BRAF: variants seen among roughly 807,000 people sequenced by gnomAD.
The protein encoded by BRAF is serine/threonine-protein kinase B-raf.
A neutral mutation model predicts 104.6 loss-of-function variants in BRAF; 16 were observed. The ratio of observed to expected loss-of-function variants is 0.15; its 90% CI spans 0.10 to 0.23. The LOEUF is 0.23. Among genes scored for constraint, BRAF ranks in the 10% least tolerant of loss-of-function variants. The pLI, the probability that BRAF is intolerant of heterozygous loss-of-function variation, is 1.00. For synonymous variants in BRAF, 310 were observed against 341.6 expected, an observed-to-expected ratio of 0.91 and a Z score of 1.02; for missense variants, 541 against 937.3, an observed-to-expected ratio of 0.58 and a Z score of 5.52.
At chr7:140,790,394 T>C (rs1407225770) in intron 8 of BRAF, among the ~76,000 whole-genome samples, 1 of 152,174 alleles carries the variant, frequency 6.6e-6, no homozygotes, top group Admixed American at 6.5e-5. Flanking sequence ...TTTCAACTTT[T>C]TTCCCACTCT....
rs530798731 is a variant in BRAF at position 140,806,952 on chromosome 7, G to A, written c.711+1008C>T. Among the ~76,000 whole-genome samples, 361 of 152,180 alleles carry A rather than the reference G, an allele frequency of 2.4e-3. 2 individuals are homozygous for A. Among genetic ancestry groups the A allele is most frequent in the Non-Finnish European group, 4.5e-3 (309 of 67,990 alleles). On this transcript the variant is annotated intron_variant, in intron 5 of 19. Transcript: ENST00000644969. ...CATGGGAAAACACTTGACGCCTAAA[G>A]GGTAGCAGTAATTATCCACCTAGAA...
intron 19 of BRAF, among the ~76,000 whole-genome samples, chr7:140,728,512 T>C (rs774781969): frequency 3.1e-4 from 47 of 151,598 alleles, no homozygotes; most frequent in Non-Finnish European, 1.2e-4. Context: ...TTGCCTCATA[T>C]TTAAAGTTAA....
chr7:140,889,529 T>C (rs955830067), intron 1 of BRAF, among the ~76,000 whole-genome samples: 3 of 152,104 alleles, frequency 2.0e-5, no homozygotes, highest in Admixed American at 1.3e-4. Context: ...GAGAACAAAA[T>C]TTTTAAGTCT....
chr7:140,875,400 G>C (rs1812115128), intron 1 of BRAF, among the ~76,000 whole-genome samples: 1 of 152,200 alleles, frequency 6.6e-6, no homozygotes, highest in East Asian at 1.9e-4. Flanking sequence ...TTTTGAGATA[G>C]CATCTTGCTC....
At chr7:140,821,496 G>T (rs1309813218) in intron 3 of BRAF, among the ~76,000 whole-genome samples, 2 of 151,080 alleles carry the variant, frequency 1.3e-5, no homozygotes, top group African/African-American at 2.4e-5. Context: ...TAGAGATGAG[G>T]TTTCACCATG....
intron 17 of BRAF, among the ~76,000 whole-genome samples, chr7:140,747,969 A>G (rs1314022811): frequency 1.3e-5 from 2 of 152,216 alleles, no homozygotes; most frequent in African/African-American, 2.4e-5. Context: ...CTAAGACTCA[A>G]CATTCTAAAG....
At chr7:140,795,713 T>G (rs1802425846) in intron 7 of BRAF, among the ~76,000 whole-genome samples, 1 of 152,196 alleles carries the variant, frequency 6.6e-6, no homozygotes, top group South Asian at 2.1e-4. Flanking sequence ...AAGTTTTGAC[T>G]TCATGTGTTT....
chr7:140,750,572 A>G (rs956991264), intron 16 of BRAF, among the ~76,000 whole-genome samples: 2 of 152,226 alleles, frequency 1.3e-5, no homozygotes, highest in Non-Finnish European at 2.9e-5. Flanking sequence ...GGATGTCCTG[A>G]AGAGCGTGAG....
At chr7:140,787,165 G>C (rs1801450067) in intron 9 of BRAF, among the ~76,000 whole-genome samples, 1 of 151,794 alleles carries the variant, frequency 6.6e-6, no homozygotes, top group East Asian at 1.9e-4. Context: ...GCCGGGCGTG[G>C]TAGCAGGCGC....
Position 140,723,171 on chromosome 7 carries a change from A to G in BRAF, c.*3323T>C. The G allele has an allele frequency of 9.5e-7, 1 of 1,053,686 alleles. No individual in the cohort carries two copies. Among genetic ancestry groups the G allele is most frequent in the Non-Finnish European group, 1.1e-6 (1 of 872,186 alleles). The allele number at this position is 1,053,686 out of a possible 1,614,324, so 65.3% of individuals were successfully genotyped here. A position where few individuals can be genotyped will look rare whatever the true frequency, so the allele number is the denominator to read the frequency against. On this transcript the variant is annotated 3_prime_UTR_variant, in exon 20 of 20. Transcript: ENST00000644969. ...GCAAGCAGCTGGCGGGTGGATGTAC[A>G]GTGGGGACAGGTGAGATCTGAGGAG...
At chr7:140,895,521 A>T (rs900326904) in intron 1 of BRAF, among the ~76,000 whole-genome samples, 13 of 152,284 alleles carry the variant, frequency 8.5e-5, no homozygotes, top group African/African-American at 3.1e-4. Flanking sequence ...ACTAGAACTT[A>T]TTCCTCCTAT....
Position 140,889,550 on chromosome 7 carries a change from G to A in BRAF, c.138+35016C>T, listed in dbSNP as rs542143837. 1.1e-4 allele frequency among the ~76,000 whole-genome samples: 17 copies of A among 151,998 alleles called. 1 individual carries two copies. In the South Asian group the frequency reaches 2.7e-3, roughly 24 times the overall value. On this transcript the variant is annotated intron_variant, in intron 1 of 19. Transcript: ENST00000644969. Reference sequence around the variant, plus strand: ...AAAATTTTTAAGTCTGGAGACTACCGACTTAAAATAACAGAAGCTAACAGA... The same window carrying A: ...AAAATTTTTAAGTCTGGAGACTACCAACTTAAAATAACAGAAGCTAACAGA...
intron 14 of BRAF, among the ~76,000 whole-genome samples, chr7:140,757,579 C>T (rs921528685): frequency 2.0e-5 from 3 of 152,118 alleles, no homozygotes; most frequent in Non-Finnish European, 2.9e-5. Flanking sequence ...TGAGCCACCA[C>T]GCCCAGCCTT....
intron 1 of BRAF, among the ~76,000 whole-genome samples, chr7:140,917,357 G>A (rs1224290946): frequency 1.6e-4 from 25 of 152,148 alleles, no homozygotes; most frequent in East Asian, 1.9e-4. Flanking sequence ...CACCATGCCC[G>A]GCCCCACTGA....
chr7:140,869,191 CAAGT>C, intron 1 of BRAF, among the ~76,000 whole-genome samples: 1 of 152,132 alleles, frequency 6.6e-6, no homozygotes. Flanking sequence ...AATCTGAAAT[CAAGT>C]AAGAGATGTG....
intron 1 of BRAF, among the ~76,000 whole-genome samples, chr7:140,880,581 A>G (rs1186419599): frequency 1.3e-5 from 2 of 152,184 alleles, no homozygotes; most frequent in Non-Finnish European, 1.5e-5. Context: ...AAGGTTTTCA[A>G]TTAATGTTGC....
chr7:140,871,018 G>A (rs559668135), intron 1 of BRAF, among the ~76,000 whole-genome samples: 14 of 151,976 alleles, frequency 9.2e-5, no homozygotes, highest in African/African-American at 3.1e-4. Flanking sequence ...ACAAGGTCAG[G>A]AGATCGAGAC....
chr7:140,832,960 G>A (rs1420711060), intron 3 of BRAF, among the ~76,000 whole-genome samples: 1 of 149,556 alleles, frequency 6.7e-6, no homozygotes, highest in East Asian at 2.0e-4. Flanking sequence ...TGCAAGCTCC[G>A]CCTCCCGGGT....
intron 1 of BRAF, among the ~76,000 whole-genome samples, chr7:140,923,756 GAGATCAAGT>G: frequency 6.6e-6 from 1 of 152,300 alleles, no homozygotes. Context: ...AGGGAGTGGT[GAGATCAAGT>G]ACAGAGCCTC....
Sources: gnomAD v4.1 joint callset for allele counts (sites outside exome capture counted in the v4.1 genomes callset) on GRCh38, gnomAD v4.1.1 for gene constraint, MANE v1.5 for transcripts, NCBI Gene and HGNC (gene_info 2026-07-23, HGNC 2026-07-21) for gene names.